ATE1: variants seen among roughly 807,000 people sequenced by gnomAD.
ATE1 encodes arginyl-tRNA--protein transferase 1.
In ATE1, 36 loss-of-function variants were observed where a neutral mutation model predicts 70.5. The observed-to-expected ratio is 0.51, with a 90% CI of 0.39 to 0.67. ATE1 has a LOEUF of 0.67. Among genes scored for constraint, ATE1 ranks in the 30% least tolerant of loss-of-function variants. The pLI, the probability that ATE1 is intolerant of heterozygous loss-of-function variation, is 0.00. For synonymous variants in ATE1, 232 were observed against 219.3 expected (o/e 1.06, Z -0.51); for missense variants, 593 against 629.5 (o/e 0.94, Z 0.62).
intron 10 of ATE1, among the ~76,000 whole-genome samples, chr10:121,793,060 A>G (rs1397876085): frequency 6.6e-6 from 1 of 152,212 alleles, no homozygotes; most frequent in Non-Finnish European, 1.5e-5. Flanking sequence ...ATAAAGAATT[A>G]TAACAACTCA....
intron 11 of ATE1, among the ~76,000 whole-genome samples, chr10:121,766,330 A>G (rs188145194): frequency 3.2e-4 from 48 of 152,304 alleles, no homozygotes; most frequent in Admixed American, 7.8e-4. Flanking sequence ...GCAGGCAACC[A>G]TAAGACAGGG....
intron 5 of ATE1, among the ~76,000 whole-genome samples, chr10:121,910,293 T>C (rs12262693): frequency 0.081 from 12,333 of 152,206 alleles, 627 homozygotes; most frequent in Non-Finnish European, 0.12. Context: ...TCTAATAAAC[T>C]AATAACCATC....
intron 1 of ATE1, chr10:121,927,432 G>A: frequency 2.0e-6 from 2 of 984,348 alleles, no homozygotes; most frequent in Non-Finnish European, 2.4e-6. Flanking sequence ...CGGCACCTGT[G>A]TGCACACCCA....
At chr10:121,759,540 G>A (rs963312019) in intron 11 of ATE1, among the ~76,000 whole-genome samples, 2 of 151,960 alleles carry the variant, frequency 1.3e-5, no homozygotes, top group African/African-American at 2.4e-5. Context: ...CGGCTAACAC[G>A]GTGAAACCCT....
chr10:121,741,778 G>A lies in ATE1; in HGVS notation c.*1902C>T, dbSNP rs1324661607. ...GACATGTCCATAATTTACTGTTGAG[G>A]AAATAAAACAGCATGTAGAACATAA... On this transcript the variant is annotated 3_prime_UTR_variant, in exon 12 of 12. Coordinates refer to ENST00000224652, the MANE Select transcript of ATE1 (RefSeq NM_001001976.3). 6.6e-6 allele frequency: 1 copy of A among 152,072 alleles called. No individual in the cohort carries two copies. The highest frequency in any genetic ancestry group is 2.4e-5 in the African/African-American group (1 of 41,396). 9.4% of individuals were successfully genotyped at this position (152,072 alleles called of 1,614,324 possible). A position where few individuals can be genotyped will look rare whatever the true frequency, so the allele number is the denominator to read the frequency against.
intron 10 of ATE1, among the ~76,000 whole-genome samples, chr10:121,812,348 G>T (rs1319752424): frequency 6.6e-5 from 10 of 152,030 alleles, no homozygotes. Context: ...CATCTTTCCT[G>T]TTTACCCAAA....
intron 7 of ATE1, among the ~76,000 whole-genome samples, chr10:121,879,518 G>A (rs1047425260): frequency 1.3e-5 from 2 of 152,174 alleles, no homozygotes; most frequent in Admixed American, 6.6e-5. Context: ...CCAAAATAAT[G>A]CCTGGCACAT....
chr10:121,765,322 CAGA>C (rs1945232997), intron 11 of ATE1, among the ~76,000 whole-genome samples: 1 of 6,612 alleles, frequency 1.5e-4, no homozygotes, highest in Non-Finnish European at 8.2e-4. Context: ...AAAGCTCTGC[CAGA>C]CTCTCAGACT....
chr10:121,899,293 T>G (rs1950892757), intron 7 of ATE1, among the ~76,000 whole-genome samples: 1 of 152,212 alleles, frequency 6.6e-6, no homozygotes, highest in Non-Finnish European at 1.5e-5. Context: ...CCACCTCTAC[T>G]TATACTAAGT....
chr10:121,782,652 T>C (rs1946042978), intron 11 of ATE1: 2 of 152,242 alleles, frequency 1.3e-5, no homozygotes, highest in Non-Finnish European at 2.9e-5. Context: ...TCAACTTGAT[T>C]GGATTGAAGG....
intron 7 of ATE1, among the ~76,000 whole-genome samples, chr10:121,891,218 CAT>C (rs1287285745): frequency 6.6e-6 from 1 of 152,106 alleles, no homozygotes; most frequent in Non-Finnish European, 1.5e-5. Flanking sequence ...AACTGATTTA[CAT>C]GGGGCTCAGG....
At chr10:121,912,583 T>G (rs1590709617) in intron 4 of ATE1, among the ~76,000 whole-genome samples, 1 of 151,040 alleles carries the variant, frequency 6.6e-6, no homozygotes, top group Non-Finnish European at 1.5e-5. Context: ...ACCCGGGAGG[T>G]GGAGGTTGCA....
At chr10:121,754,723 G>T (rs1464327948) in intron 11 of ATE1, among the ~76,000 whole-genome samples, 1 of 152,156 alleles carries the variant, frequency 6.6e-6, no homozygotes, top group African/African-American at 2.4e-5. Flanking sequence ...CACCATCTCA[G>T]GACAGCTTTC....
At chr10:121,752,859 G>C (rs1944644614) in intron 11 of ATE1, among the ~76,000 whole-genome samples, 1 of 152,108 alleles carries the variant, frequency 6.6e-6, no homozygotes, top group South Asian at 2.1e-4. Context: ...TGAATTTTAT[G>C]ATTGTCAGTT....
chr10:121,802,105 C>A (rs928564328), intron 10 of ATE1, among the ~76,000 whole-genome samples: 2 of 152,002 alleles, frequency 1.3e-5, no homozygotes. Flanking sequence ...AAGTGTGTGC[C>A]CTTAGTCTAT....
chr10:121,918,501 G>C (rs186612766), intron 3 of ATE1, among the ~76,000 whole-genome samples: 1 of 152,184 alleles, frequency 6.6e-6, no homozygotes, highest in Non-Finnish European at 1.5e-5. Flanking sequence ...CATGTAACAG[G>C]CACCAAATAC....
intron 7 of ATE1, among the ~76,000 whole-genome samples, chr10:121,895,813 G>A (rs929436135): frequency 6.6e-6 from 1 of 151,976 alleles, no homozygotes; most frequent in African/African-American, 2.4e-5. Flanking sequence ...CAGATACTCA[G>A]GTGGCTAAGG....
intron 8 of ATE1, among the ~76,000 whole-genome samples, chr10:121,864,667 T>G (rs577770900): frequency 6.6e-6 from 1 of 152,362 alleles, no homozygotes; most frequent in East Asian, 1.9e-4. Flanking sequence ...ACATGTTTTT[T>G]GTTCACTTTT....
At chr10:121,752,359 T>C (rs563036867) in intron 11 of ATE1, among the ~76,000 whole-genome samples, 4 of 150,266 alleles carry the variant, frequency 2.7e-5, no homozygotes, top group African/African-American at 7.3e-5. Context: ...GCCTCCCGAG[T>C]AGCTGGGACT....
Sources: allele counts gnomAD v4.1 joint callset (sites outside exome capture counted in the v4.1 genomes callset), GRCh38; gene constraint gnomAD v4.1.1; transcripts MANE v1.5; gene names NCBI Gene and HGNC (gene_info 2026-07-23, HGNC 2026-07-21).